Variants in ZNF385D observed in about 807,000 individuals in gnomAD.
ZNF385D encodes the protein zinc finger protein 385D.
Under a neutral mutation model 35.8 loss-of-function variants are expected in ZNF385D, and 15 were observed. The ratio of observed to expected loss-of-function variants is 0.42; its 90% CI spans 0.28 to 0.64. The LOEUF is 0.64. ZNF385D is among the 30% of genes least tolerant of loss of function. ZNF385D has a pLI of 0.23. For synonymous variants in ZNF385D, 212 were observed against 186.8 expected, an observed-to-expected ratio of 1.13 and a Z score of -1.10; for missense variants, 474 against 494.6, an observed-to-expected ratio of 0.96 and a Z score of 0.39.
At chr3:21,929,351 C>T (rs550829261) in intron 3 of ZNF385D, among the ~76,000 whole-genome samples, 8 of 151,910 alleles carry the variant, frequency 5.3e-5, no homozygotes, top group South Asian at 2.1e-4. Flanking sequence ...AAACCTATTG[C>T]CAATATTGCA....
At position 22,150,349 on chromosome 3, in the gene ZNF385D, AT is replaced by A. The variant is rs1382392418; in HGVS notation, c.325+18467del. Among the ~76,000 whole-genome samples, 4 of 151,888 alleles carry A rather than the reference AT, an allele frequency of 2.6e-5. No individual in the cohort carries two copies. The East Asian group carries it at 7.7e-4, about 29-fold the overall frequency. Reference sequence around the variant, plus strand: ...TATAAAACATGAATAGTTTTGCTTTATTTATATAAACATTCTTCAGTGAGAA... The same window carrying A: ...TATAAAACATGAATAGTTTTGCTTTATTATATAAACATTCTTCAGTGAGAA... On this transcript the variant is annotated intron_variant, in intron 3 of 5. Transcript: ENST00000494108.
At chr3:21,636,378 TTATATATATA>T (rs1183440640) in intron 2 of ZNF385D, among the ~76,000 whole-genome samples, 9 of 47,996 alleles carry the variant, frequency 1.9e-4, no homozygotes, top group African/African-American at 3.6e-4. Flanking sequence ...ATATATATGA[TTATATATATA>T]TATATATATA....
At chr3:22,068,730 C>T (rs1048533867) in intron 3 of ZNF385D, among the ~76,000 whole-genome samples, 2 of 152,096 alleles carry the variant, frequency 1.3e-5, no homozygotes, top group Admixed American at 6.5e-5. Flanking sequence ...CTAGTTAAAC[C>T]CTGATTGAAC....
intron 3 of ZNF385D, among the ~76,000 whole-genome samples, chr3:22,061,892 T>G (rs1699705323): frequency 6.6e-6 from 1 of 152,244 alleles, no homozygotes; most frequent in South Asian, 2.1e-4. Context: ...GTAAGATGTA[T>G]GAAGGCATAT....
intron 2 of ZNF385D, among the ~76,000 whole-genome samples, chr3:22,364,170 C>T (rs550276376): frequency 5.9e-5 from 9 of 151,750 alleles, no homozygotes; most frequent in South Asian, 2.1e-4. Context: ...CATCTTAAAC[C>T]CATTATTTTA....
upstream of ZNF385D, among the ~76,000 whole-genome samples, chr3:21,753,836 C>T (rs1159623351): frequency 1.3e-5 from 2 of 151,876 alleles, no homozygotes; most frequent in African/African-American, 4.8e-5. Context: ...TGAGCAACAT[C>T]TCCCTAATAC....
At chr3:21,772,443 A>C (rs2071116867) in intron 3 of ZNF385D, among the ~76,000 whole-genome samples, 2 of 151,978 alleles carry the variant, frequency 1.3e-5, no homozygotes, top group African/African-American at 4.8e-5. Flanking sequence ...ATTTTTCCAA[A>C]GATAATATGC....
At chr3:21,812,598 C>G (rs146378068) in intron 3 of ZNF385D, among the ~76,000 whole-genome samples, 7 of 152,214 alleles carry the variant, frequency 4.6e-5, no homozygotes, top group African/African-American at 1.7e-4. Context: ...TTGCTCACTG[C>G]TAGCACAGCA....
chr3:22,346,802 T>C (rs1695677653), intron 2 of ZNF385D, among the ~76,000 whole-genome samples: 1 of 152,210 alleles, frequency 6.6e-6, no homozygotes, highest in Non-Finnish European at 1.5e-5. Context: ...AGTTTTCTAA[T>C]GTGTCGATGG....
intron 4 of ZNF385D, among the ~76,000 whole-genome samples, chr3:21,462,907 G>C (rs544511693): frequency 2.6e-5 from 4 of 152,236 alleles, no homozygotes; most frequent in Non-Finnish European, 5.9e-5. Flanking sequence ...ACTCGAACCA[G>C]GGAGACAGAG....
At chr3:22,328,937 C>A (rs919050379) in intron 2 of ZNF385D, among the ~76,000 whole-genome samples, 2 of 151,742 alleles carry the variant, frequency 1.3e-5, no homozygotes, top group African/African-American at 4.8e-5. Flanking sequence ...ATTAGCTGGG[C>A]GTGGTAGCGG....
rs71266432 is a variant in ZNF385D at position 22,247,615 on chromosome 3, T to TTTTATTTATTTATTTATTTATTTA, written c.107-78604_107-78581dup. 3.1e-3 allele frequency among the ~76,000 whole-genome samples: 463 copies of TTTTATTTATTTATTTATTTATTTA among 148,294 alleles called. 4 individuals carry two copies. Among genetic ancestry groups the TTTTATTTATTTATTTATTTATTTA allele is most frequent in the African/African-American group, 0.011 (440 of 39,744 alleles). ...TATTTATATACCAACCATTTTACAA[T>TTTTATTTATTTATTTATTTATTTA]TTTATTTATTTATTTATTTATTTAT... On this transcript the variant is annotated intron_variant, in intron 2 of 5. Transcript: ENST00000494108.
At chr3:21,754,017 T>A (rs2070228298), upstream of ZNF385D, among the ~76,000 whole-genome samples, 1 of 152,198 alleles carries the variant, frequency 6.6e-6, no homozygotes, top group African/African-American at 2.4e-5. Flanking sequence ...AATGAGAGGA[T>A]CTTCCTCTTT....
chr3:21,803,981 T>A (rs536858325), intron 3 of ZNF385D, among the ~76,000 whole-genome samples: 9 of 152,202 alleles, frequency 5.9e-5, no homozygotes, highest in Non-Finnish European at 1.0e-4. Context: ...ATTCTGTAGT[T>A]TCATATCATG....
At chr3:22,253,036 C>A (rs1700140734) in intron 2 of ZNF385D, among the ~76,000 whole-genome samples, 1 of 151,992 alleles carries the variant, frequency 6.6e-6, no homozygotes, top group South Asian at 2.1e-4. Flanking sequence ...AATTGAAAAG[C>A]AAAGAGATTT....
chr3:22,158,080 G>C (rs1351308871), intron 3 of ZNF385D, among the ~76,000 whole-genome samples: 1 of 152,092 alleles, frequency 6.6e-6, no homozygotes, highest in African/African-American at 2.4e-5. Flanking sequence ...CAAATTCATA[G>C]CAGATGTGTC....
At chr3:21,562,730 AATAATAATT>A (rs2062995734) in intron 3 of ZNF385D, among the ~76,000 whole-genome samples, 1 of 152,146 alleles carries the variant, frequency 6.6e-6, no homozygotes, top group Admixed American at 6.6e-5. Context: ...AGCCACTTAA[AATAATAATT>A]ATAAAACTAT....
At chr3:22,086,349 G>T (rs1701041582) in intron 3 of ZNF385D, among the ~76,000 whole-genome samples, 1 of 152,172 alleles carries the variant, frequency 6.6e-6, no homozygotes, top group Admixed American at 6.6e-5. Flanking sequence ...AGCAACTTCA[G>T]CAAAGTCTCA....
intron 3 of ZNF385D, among the ~76,000 whole-genome samples, chr3:22,099,696 A>G (rs1291447806): frequency 6.6e-6 from 1 of 152,030 alleles, no homozygotes; most frequent in Non-Finnish European, 1.5e-5. Context: ...CAGACCCTGA[A>G]GCATGGCGGG....
Sources: allele counts gnomAD v4.1 joint callset (sites outside exome capture counted in the v4.1 genomes callset), GRCh38; gene constraint gnomAD v4.1.1; transcripts MANE v1.5; gene names NCBI Gene and HGNC (gene_info 2026-07-23, HGNC 2026-07-21).